Variants in MEGF6 observed in about 807,000 individuals in gnomAD.
MEGF6 encodes multiple EGF like domains 6, also known as multiple epidermal growth factor-like domains protein 6.
In MEGF6, 184 loss-of-function variants were observed where a neutral mutation model predicts 207.1. That is an observed-to-expected ratio of 0.89 (90% confidence interval 0.79 to 1.00). The LOEUF (loss-of-function observed/expected upper bound fraction) is 1.00, where lower values mean the gene tolerates loss of function less well. Among genes scored for constraint, MEGF6 ranks in the 50% least tolerant of loss-of-function variants. The probability of loss-of-function intolerance (pLI) is 0.00; values close to 1 mark genes in which losing one functional copy is unlikely to be tolerated. For synonymous variants in MEGF6, 1,038 were observed against 910.0 expected (o/e 1.14, Z -2.53); for missense variants, 2,282 against 2,202.9 (o/e 1.04, Z -0.72).
chr1:3,511,967 T>C (rs1354854172), intron 8 of MEGF6, 39 bp downstream of exon 8: 2 of 1,610,734 alleles, frequency 1.2e-6, no homozygotes, highest in Non-Finnish European at 1.7e-6. Context: ...AGCATGGCCA[T>C]CCCGGGCACC....
At chr1:3,511,864 C>T (rs4648514) in intron 8 of MEGF6, 142 bp downstream of exon 8, 327,605 of 1,456,648 alleles carry the variant, frequency 0.22, 40,841 homozygotes, top group East Asian at 0.49. Context: ...TCCCTCGACC[C>T]TCTGCTCACC....
At position 3,512,276 on chromosome 1, in the gene MEGF6, G is replaced by A. The variant is rs963124405; in HGVS notation, c.854-148C>T. The A allele has an allele frequency of 2.1e-5, 23 of 1,084,728 alleles. No homozygotes were observed. The East Asian group carries it at 2.1e-4, about 10-fold the overall frequency. The allele number at this position is 1,084,728 out of a possible 1,614,324, so 67.2% of individuals were successfully genotyped here. A position where few individuals can be genotyped will look rare whatever the true frequency, so the allele number is the denominator to read the frequency against. On this transcript the variant is annotated intron_variant, in intron 7 of 36. Coordinates refer to ENST00000356575, the MANE Select transcript of MEGF6 (RefSeq NM_001409.4). ...CAAGGCCAATCCCACTGTCCCTGAC[G>A]GCCACTAGTCACAGCCCTGCAGGTC...
At chr1:3,504,977 G>C (rs2794357) in intron 17 of MEGF6, among the ~76,000 whole-genome samples, 24,091 of 152,180 alleles carry the variant, frequency 0.16, 1,982 homozygotes, top group East Asian at 0.23. Context: ...GACAGCAGCT[G>C]CTGCCCTGAG....
Position 3,540,053 on chromosome 1 carries a change from TGC to T in MEGF6, c.482-15809_482-15808del, listed in dbSNP as rs1642464510. Among the ~76,000 whole-genome samples the T allele has an allele frequency of 2.0e-5, 3 of 152,204 alleles. No homozygotes were observed. The South Asian group carries it at 6.2e-4, about 31-fold the overall frequency. On this transcript the variant is annotated intron_variant, in intron 4 of 36. Transcript: ENST00000356575. ...TGTTTATCTGGAGCACGGCCACAGA[TGC>T]CTGCAGGCTGCCCAGCTCGGGGTGT...
In MEGF6 at chr1:3,498,499, T is replaced by C. The variant is rs757513811; in HGVS notation, c.3224A>G (p.Glu1075Gly). The C allele has an allele frequency of 1.9e-6, 3 of 1,573,258 alleles. No individual in the cohort carries two copies. The South Asian group carries it at 3.4e-5, about 18-fold the overall frequency. Reference sequence around the variant, plus strand: ...AGCTCTGACGTCCCGGGGGAGGCACTCTACAGGAGCAGAGGCAGGCACGAG... The same window carrying C: ...AGCTCTGACGTCCCGGGGGAGGCACCCTACAGGAGCAGAGGCAGGCACGAG... ...EGWAGLACEK[E>G]CLPRDVRAGC... Residue 1075 changes from glutamate to glycine, a missense_variant and splice_region_variant, in exon 26 of 37, where the codon GAG (glutamate) becomes GGG (glycine). Coordinates refer to ENST00000356575, the MANE Select transcript of MEGF6 (RefSeq NM_001409.4).
chr1:3,544,355 T>C (rs1239417140), intron 4 of MEGF6, among the ~76,000 whole-genome samples: 1 of 151,364 alleles, frequency 6.6e-6, no homozygotes, highest in African/African-American at 2.5e-5. Context: ...GCGGCACCTG[T>C]CCCCTCTGCC....
intron 17 of MEGF6, among the ~76,000 whole-genome samples, chr1:3,502,286 T>C (rs921761759): frequency 1.3e-5 from 2 of 151,950 alleles, no homozygotes; most frequent in African/African-American, 4.8e-5. Flanking sequence ...CCCTCGGCCA[T>C]CCAGGACCCT....
At chr1:3,557,552 C>T (rs1401010430) in intron 4 of MEGF6, among the ~76,000 whole-genome samples, 7 of 152,234 alleles carry the variant, frequency 4.6e-5, no homozygotes, top group Non-Finnish European at 1.0e-4. Context: ...CCCTGCCAGC[C>T]TGCGGTAGCC....
At chr1:3,608,235 C>T (rs1010850689) in intron 1 of MEGF6, among the ~76,000 whole-genome samples, 6 of 152,132 alleles carry the variant, frequency 3.9e-5, no homozygotes, top group African/African-American at 9.7e-5. Context: ...TGGGGCCCCT[C>T]GGACTCTCAG....
In MEGF6 at chr1:3,549,432, G is replaced by A. The variant is rs561915226; in HGVS notation, c.482-25186C>T. Among the ~76,000 whole-genome samples the A allele has an allele frequency of 2.0e-5, 3 of 152,330 alleles. No individual in the cohort carries two copies. In the East Asian group the frequency reaches 5.8e-4, roughly 29 times the overall value. ...AGGTGACGGCTCCTCCCCAAAGCCA[G>A]CAGAAGCCTCTCTTTCCTCCAAAAC... On this transcript the variant is annotated intron_variant, in intron 4 of 36. Transcript: ENST00000356575.
chr1:3,576,368 C>T (rs1201139720), intron 4 of MEGF6, among the ~76,000 whole-genome samples: 4 of 152,226 alleles, frequency 2.6e-5, no homozygotes, highest in African/African-American at 4.8e-5. Context: ...TCCTTCCCCC[C>T]ACTGCCCTCC....
intron 4 of MEGF6, among the ~76,000 whole-genome samples, chr1:3,545,078 T>G (rs1642658355): frequency 6.6e-6 from 1 of 152,060 alleles, no homozygotes; most frequent in Non-Finnish European, 1.5e-5. Flanking sequence ...GCCCTCTCCC[T>G]AGGACACACA....
Position 3,501,325 on chromosome 1 carries a change from T to C in MEGF6, c.2315-17A>G, listed in dbSNP as rs1264653017. 6.3e-7 allele frequency: 1 copy of C among 1,586,248 alleles called. No individual in the cohort carries two copies. The highest frequency in any genetic ancestry group is 2.3e-5 in the East Asian group (1 of 43,114). ...CGGGACAATCTAGTGCCCACCCCCA[T>C]GGCCAGTCAGTGCCCAAGCTGCCCT... On this transcript the variant is annotated splice_polypyrimidine_tract_variant and intron_variant, in intron 18 of 36. Coordinates refer to ENST00000356575, the MANE Select transcript of MEGF6 (RefSeq NM_001409.4).
intron 4 of MEGF6, among the ~76,000 whole-genome samples, chr1:3,576,088 T>C (rs1643633211): frequency 6.6e-6 from 1 of 152,248 alleles, no homozygotes; most frequent in Non-Finnish European, 1.5e-5. Context: ...AAGCCAGCCC[T>C]GGACAAAATG....
intron 17 of MEGF6, among the ~76,000 whole-genome samples, chr1:3,502,737 C>T (rs1317967272): frequency 6.6e-6 from 1 of 152,142 alleles, no homozygotes; most frequent in Admixed American, 6.5e-5. Flanking sequence ...CTGGCAGAGC[C>T]GTGGGTGCTG....
intron 4 of MEGF6, among the ~76,000 whole-genome samples, chr1:3,527,276 G>A (rs115557975): frequency 1.4e-3 from 216 of 152,376 alleles, no homozygotes; most frequent in African/African-American, 5.0e-3. Context: ...CCAAGCCTGA[G>A]TCAACGGATG....
At position 3,556,487 on chromosome 1, in the gene MEGF6, C is replaced by G. The variant is rs550504450; in HGVS notation, c.481+23338G>C. 6.6e-6 allele frequency among the ~76,000 whole-genome samples: 1 copy of G among 152,332 alleles called. No homozygotes were observed. Among genetic ancestry groups the G allele is most frequent in the Non-Finnish European group, 1.5e-5 (1 of 68,038 alleles). ...AAACCTCGGCAAAGCAAGAGACGCC[C>G]TGGGCCTCCTCTCGGCCGCCCACCA... On this transcript the variant is annotated intron_variant, in intron 4 of 36. Transcript: ENST00000356575. This position sits in a 1 kb window ranked among gnomAD's most constrained non-coding sequence, Gnocchi z 4.4.
At chr1:3,558,910 C>G (rs968584734) in intron 4 of MEGF6, among the ~76,000 whole-genome samples, 8 of 151,994 alleles carry the variant, frequency 5.3e-5, no homozygotes, top group African/African-American at 1.9e-4. Context: ...GCCTGTGGTC[C>G]CAGCTACTCA....
intron 4 of MEGF6, among the ~76,000 whole-genome samples, chr1:3,543,591 C>T (rs1275785659): frequency 6.6e-6 from 1 of 152,214 alleles, no homozygotes; most frequent in Non-Finnish European, 1.5e-5. Flanking sequence ...GGGGCGAGGC[C>T]AGGGACGGGG....
Sources: allele counts gnomAD v4.1 joint callset (sites outside exome capture counted in the v4.1 genomes callset), GRCh38; gene constraint gnomAD v4.1.1; non-coding constraint Gnocchi (gnomAD v3.1); transcripts MANE v1.5; gene names NCBI Gene and HGNC (gene_info 2026-07-23, HGNC 2026-07-21).